MAF: variants seen among roughly 807,000 people sequenced by gnomAD.
MAF encodes MAF bZIP transcription factor.
Under a neutral mutation model 22.0 loss-of-function variants are expected in MAF, and 10 were observed. That is an observed-to-expected ratio of 0.45 (90% CI 0.28 to 0.77). The LOEUF is 0.77. MAF is among the 30% of genes least tolerant of loss of function. MAF has a pLI of 0.12. For synonymous variants in MAF, 337 were observed against 255.8 expected (o/e 1.32, Z -3.03); for missense variants, 544 against 548.4 (o/e 0.99, Z 0.08).
chr16:79,322,927 G>C, the MAF span, among the ~76,000 whole-genome samples: 47 of 151,948 alleles, frequency 3.1e-4, no homozygotes, highest in African/African-American at 1.1e-3. Flanking sequence ...GAGGTGAACA[G>C]ATCATGAGGT....
chr16:79,556,345 A>G, the MAF span, among the ~76,000 whole-genome samples: 1 of 152,188 alleles, frequency 6.6e-6, no homozygotes, highest in South Asian at 2.1e-4. Context: ...CACTTAGCTC[A>G]AGCTCCCTCC....
chr16:79,290,636 G>A, the MAF span, among the ~76,000 whole-genome samples: 1 of 152,150 alleles, frequency 6.6e-6, no homozygotes, highest in African/African-American at 2.4e-5. Flanking sequence ...TGGCTACATG[G>A]AGCAGATCAT....
At chr16:79,464,784 T>A in the MAF span, among the ~76,000 whole-genome samples, 1 of 152,174 alleles carries the variant, frequency 6.6e-6, no homozygotes, top group Non-Finnish European at 1.5e-5. Flanking sequence ...TCCCTGACCC[T>A]GATTCCAGAA....
At chr16:79,249,901 C>T in the MAF span, among the ~76,000 whole-genome samples, 2 of 152,144 alleles carry the variant, frequency 1.3e-5, no homozygotes, top group African/African-American at 4.8e-5. Context: ...CTGCACGTAG[C>T]CCAGTGCCTG....
downstream of MAF, among the ~76,000 whole-genome samples, chr16:79,591,058 T>A (rs969701591): frequency 6.6e-6 from 1 of 152,184 alleles, no homozygotes; most frequent in Non-Finnish European, 1.5e-5. Context: ...TGTTGGGGAT[T>A]CTGGAAGGAG....
the MAF span, among the ~76,000 whole-genome samples, chr16:79,293,329 C>G: frequency 6.6e-6 from 1 of 151,942 alleles, no homozygotes; most frequent in African/African-American, 2.4e-5. Flanking sequence ...GGACCTCACT[C>G]ACATGGGCAA....
the MAF span, among the ~76,000 whole-genome samples, chr16:79,280,322 T>C: frequency 6.6e-6 from 1 of 152,210 alleles, no homozygotes. Context: ...GGGGACTGGA[T>C]CAAGAGTCCA....
the MAF span, among the ~76,000 whole-genome samples, chr16:79,350,773 C>G: frequency 8.5e-5 from 13 of 152,214 alleles, no homozygotes; most frequent in African/African-American, 2.9e-4. Context: ...GGCATTCCAG[C>G]CTTCAGTGAG....
At chr16:79,562,200 T>C in the MAF span, among the ~76,000 whole-genome samples, 1 of 152,196 alleles carries the variant, frequency 6.6e-6, no homozygotes, top group African/African-American at 2.4e-5. Context: ...GTCACACCAT[T>C]CTGTTCCCAG....
At chr16:79,499,079 G>C in the MAF span, among the ~76,000 whole-genome samples, 1 of 152,188 alleles carries the variant, frequency 6.6e-6, no homozygotes, top group Non-Finnish European at 1.5e-5. Context: ...TCAATGAAAG[G>C]CACAGAAGTA....
At chr16:79,209,640 T>C in the MAF span, among the ~76,000 whole-genome samples, 1 of 152,122 alleles carries the variant, frequency 6.6e-6, no homozygotes, top group Non-Finnish European at 1.5e-5. Flanking sequence ...ATGACAGATA[T>C]CTGGAAGTTG....
the MAF span, among the ~76,000 whole-genome samples, chr16:79,562,834 C>T: frequency 5.0e-4 from 76 of 152,252 alleles, no homozygotes; most frequent in African/African-American, 1.5e-3. Context: ...GTTATGAGAC[C>T]GTCATACTTG....
At chr16:79,420,459 G>C in the MAF span, among the ~76,000 whole-genome samples, 1 of 152,158 alleles carries the variant, frequency 6.6e-6, no homozygotes, top group African/African-American at 2.4e-5. Context: ...TTTTTTATAA[G>C]AGTATTTTTA....
the MAF span, among the ~76,000 whole-genome samples, chr16:79,453,168 A>G: frequency 6.6e-6 from 1 of 152,140 alleles, no homozygotes; most frequent in South Asian, 2.1e-4. Context: ...ATAGTGAGTA[A>G]GTGGTACCTA....
At chr16:79,586,434 C>T (rs1597833031) in intron 1 of MAF, among the ~76,000 whole-genome samples, 1 of 152,222 alleles carries the variant, frequency 6.6e-6, no homozygotes, top group East Asian at 1.9e-4. Context: ...GTTGCTTTGT[C>T]TATCCTGCTG....
chr16:79,572,533 G>A, the MAF span, among the ~76,000 whole-genome samples: 3 of 152,170 alleles, frequency 2.0e-5, no homozygotes, highest in Non-Finnish European at 4.4e-5. Flanking sequence ...GGTTGATCAG[G>A]AGGAGGGGCT....
At chr16:79,544,234 A>G in the MAF span, among the ~76,000 whole-genome samples, 1 of 152,208 alleles carries the variant, frequency 6.6e-6, no homozygotes, top group Non-Finnish European at 1.5e-5. Flanking sequence ...ACATATGGCT[A>G]TTTAGATTTA....
At chr16:79,387,081 T>C in the MAF span, among the ~76,000 whole-genome samples, 6 of 152,220 alleles carry the variant, frequency 3.9e-5, no homozygotes, top group Non-Finnish European at 5.9e-5. Context: ...CTGTTGTTTT[T>C]GGTTTTGTTA....
chr16:79,490,887 G>C, the MAF span, among the ~76,000 whole-genome samples: 1 of 152,184 alleles, frequency 6.6e-6, no homozygotes, highest in Non-Finnish European at 1.5e-5. Context: ...GAGATGAATG[G>C]AGAAGGAAGA....
Sources: gnomAD v4.1 joint callset for allele counts (sites outside exome capture counted in the v4.1 genomes callset) on GRCh38, gnomAD v4.1.1 for gene constraint, MANE v1.5 for transcripts, NCBI Gene and HGNC (gene_info 2026-07-23, HGNC 2026-07-21) for gene names.